WASHC4: variants seen among roughly 807,000 people sequenced by gnomAD.
WASHC4 encodes the protein WASH complex subunit 7.
Under a neutral mutation model 166.6 loss-of-function variants are expected in WASHC4, and 86 were observed. That is an observed-to-expected ratio of 0.52 (90% CI 0.43 to 0.62). The LOEUF is 0.62. Ranked by LOEUF, WASHC4 falls within the 20% of genes least tolerant of loss-of-function variation. The pLI is 0.00. For missense variants in WASHC4, 1,262 were observed against 1,382.4 expected (o/e 0.91, Z 1.38); for synonymous variants, 446 against 451.6 (o/e 0.99, Z 0.16).
intron 2 of WASHC4, among the ~76,000 whole-genome samples, chr12:105,113,458 G>T (rs552395301): frequency 3.3e-5 from 5 of 151,960 alleles, no homozygotes; most frequent in East Asian, 1.9e-4. Context: ...CTCCATCTCC[G>T]CAGTTGCTCT....
chr12:105,131,482 T>C (rs1040133282), intron 13 of WASHC4, among the ~76,000 whole-genome samples: 1 of 152,278 alleles, frequency 6.6e-6, no homozygotes, highest in African/African-American at 2.4e-5. Context: ...TGCATTATCC[T>C]ATAGCCTTAC....
intron 28 of WASHC4, among the ~76,000 whole-genome samples, chr12:105,157,585 A>G (rs1025717602): frequency 3.5e-4 from 54 of 152,234 alleles, no homozygotes; most frequent in African/African-American, 1.3e-3. Context: ...GTGCTCAAGT[A>G]TAAAGTACAT....
chr12:105,146,297 G>T (rs1390681821), intron 22 of WASHC4, among the ~76,000 whole-genome samples, 155 bp from the exon 23 acceptor site: 1 of 152,030 alleles, frequency 6.6e-6, no homozygotes, highest in Non-Finnish European at 1.5e-5. Flanking sequence ...GTCTTGATTT[G>T]TCTTTTAACG....
intron 14 of WASHC4, among the ~76,000 whole-genome samples, chr12:105,135,399 G>GT (rs1321444698): frequency 2.9e-4 from 42 of 144,802 alleles, no homozygotes; most frequent in South Asian, 4.4e-4. Flanking sequence ...GGTTGGTGGG[G>GT]TTTTTTTTTT....
At chr12:105,163,193 C>G (rs1380757422) in intron 30 of WASHC4, among the ~76,000 whole-genome samples, 1 of 152,070 alleles carries the variant, frequency 6.6e-6, no homozygotes, top group African/African-American at 2.4e-5. Flanking sequence ...CTCCTGACCT[C>G]GTGATCTGCC....
intron 1 of WASHC4, among the ~76,000 whole-genome samples, chr12:105,108,751 C>G (rs190538499): frequency 7.3e-5 from 11 of 151,606 alleles, no homozygotes; most frequent in Admixed American, 7.2e-4. Context: ...TTTTTTTTCC[C>G]TCATAGTTTT....
At chr12:105,146,328 A>G (rs1046017137) in intron 22 of WASHC4, 124 bp from the exon 23 acceptor site, 12 of 674,818 alleles carry the variant, frequency 1.8e-5, no homozygotes, top group Non-Finnish European at 2.9e-5. Flanking sequence ...CCTTTTATAT[A>G]GTTCTTTAAA....
At position 105,146,512 on chromosome 12, in the gene WASHC4, A is replaced by C; in HGVS notation, c.2395A>C (p.Asn799His). The change falls in exon 23 of 33, where the codon AAT becomes CAT. Residue 799 changes from asparagine to histidine, a missense_variant. Physicochemically the swap from Asn to His is moderately conservative, Grantham distance 68. Coordinates refer to ENST00000332180, the MANE Select transcript of WASHC4 (RefSeq NM_015275.3). ...IHIFVSRYLY[N>H]LNNQIFIERT... ...TATATTTGTGTCCCGATACCTCTAT[A>C]ATCTCAACAATCAGGTGAGTAGGGT... is the stretch of plus-strand genomic sequence containing the variant. 1 of 1,598,118 alleles carries C rather than the reference A, an allele frequency of 6.3e-7. No homozygotes were observed.
rs1882076150 is a variant in WASHC4, at chr12:105,133,838, A to G, written c.1268A>G (p.Glu423Gly). Residue 423 changes from glutamate to glycine, a missense_variant, in exon 14 of 33, where the codon GAG becomes GGG. Physicochemically the swap from Glu to Gly is moderately conservative, Grantham distance 98 (BLOSUM62 -2). Transcript: ENST00000332180. The part of the protein sequence containing the change: ...MMKMESILSK[E>G]QRMDKFAEDL... ...AAAATGGAATCTATTTTGTCTAAAG[A>G]GCAGAGAATGGATAAATTTGCTGAA... 1 of 1,611,782 alleles carries G rather than the reference A, an allele frequency of 6.2e-7. No individual in the cohort carries two copies. The highest frequency in any genetic ancestry group is 1.1e-5 in the South Asian group (1 of 91,054).
At chr12:105,120,720 G>T in intron 8 of WASHC4, 123 bp downstream of exon 8, 1 of 703,690 alleles carries the variant, frequency 1.4e-6, no homozygotes, top group Non-Finnish European at 2.6e-6. Flanking sequence ...GTGTGTGTGT[G>T]TGTTTGTGTG....
rs76249080 is a variant in WASHC4 at position 105,159,503 on chromosome 12, C to T, written c.2913-498C>T. ...TTAGATATAGTTGGATTATGTGAGT[C>T]ACAAAGGAAGATTTCTTTCTTACAG... On this transcript the variant is annotated intron_variant, in intron 28 of 32. Transcript: ENST00000332180. 2.9e-3 allele frequency among the ~76,000 whole-genome samples: 437 copies of T among 152,192 alleles called. 18 individuals are homozygous for T. In the East Asian group the frequency reaches 0.072, roughly 25 times the overall value.
chr12:105,109,388 T>C (rs1194106087), intron 1 of WASHC4, among the ~76,000 whole-genome samples: 1 of 152,166 alleles, frequency 6.6e-6, no homozygotes, highest in African/African-American at 2.4e-5. Flanking sequence ...GTGCTAGATA[T>C]TAGGGATAAA....
In WASHC4 at chr12:105,109,133, C is replaced by T. The variant is rs145230580; in HGVS notation, c.61+1272C>T. ...CCTGGGTGATAATAAGGTATTAGCT[C>T]TTATGCAGCATAAAAATTAACCTTG... On this transcript the variant is annotated intron_variant, in intron 1 of 32. Coordinates refer to ENST00000332180, the MANE Select transcript of WASHC4 (RefSeq NM_015275.3). 7.9e-5 allele frequency among the ~76,000 whole-genome samples: 12 copies of T among 152,238 alleles called. No homozygotes were observed. The East Asian group carries it at 2.3e-3, about 29-fold the overall frequency.
chr12:105,159,446 T>C (rs1463784077), intron 28 of WASHC4, among the ~76,000 whole-genome samples: 2 of 152,224 alleles, frequency 1.3e-5, no homozygotes, highest in East Asian at 1.9e-4. Context: ...AGATGTCTGC[T>C]GTTAGGAAGA....
At chr12:105,143,389 T>C (rs1883028791) in intron 20 of WASHC4, 146 bp downstream of exon 20, 4 of 604,766 alleles carry the variant, frequency 6.6e-6, no homozygotes, top group Admixed American at 5.2e-5. Context: ...AGTTACAATA[T>C]CACTGTTGTG....
Position 105,127,266 on chromosome 12 carries a change from A to T in WASHC4, c.1176A>T (p.Gln392His), listed in dbSNP as rs374270924. ...AAATACACAGGGATACTTTTCTACA[A>T]CAGAAAGCTCAATCACTTACCAAGT... ...AIKIHRDTFL[Q>H]QKAQSLTKDV... is the part of the protein sequence containing the mutation. The change falls in exon 13 of 33, where the codon CAA (glutamine) becomes CAT (histidine). Residue 392 changes from glutamine to histidine, a missense_variant. Gln to His is a conservative substitution (Grantham distance 24, BLOSUM62 0). Transcript: ENST00000332180. The T allele has an allele frequency of 6.2e-7, 1 of 1,611,332 alleles. No homozygotes were observed. The highest frequency in any genetic ancestry group is 8.5e-7 in the Non-Finnish European group (1 of 1,177,578).
In WASHC4 at chr12:105,158,158, G is replaced by C. The variant is rs1032911474; in HGVS notation, c.2912+836G>C. Among the ~76,000 whole-genome samples the C allele has an allele frequency of 2.0e-5, 3 of 152,130 alleles. No homozygotes were observed. In the South Asian group the frequency reaches 6.2e-4, roughly 31 times the overall value. On this transcript the variant is annotated intron_variant, in intron 28 of 32. Coordinates refer to ENST00000332180, the MANE Select transcript of WASHC4 (RefSeq NM_015275.3). The stretch of plus-strand genomic sequence containing the variant: ...GAAAGTCATTTCTTTATGGAAGAAT[G>C]CTTGTTAAATTTAGGGGGGAAATTG...
intron 24 of WASHC4, chr12:105,147,956 A>G (rs1883448815): frequency 1.0e-6 from 1 of 984,952 alleles, no homozygotes; most frequent in Non-Finnish European, 1.2e-6. Flanking sequence ...TGAAGGAATT[A>G]TTTGAACTCG....
At chr12:105,118,126 G>T (rs897472037) in intron 6 of WASHC4, among the ~76,000 whole-genome samples, 1 of 152,178 alleles carries the variant, frequency 6.6e-6, no homozygotes, top group African/African-American at 2.4e-5. Flanking sequence ...TAGTCACTAT[G>T]CTAGGCAGTG....
Sources: allele counts gnomAD v4.1 joint callset (sites outside exome capture counted in the v4.1 genomes callset), GRCh38; gene constraint gnomAD v4.1.1; transcripts MANE v1.5; gene names NCBI Gene and HGNC (gene_info 2026-07-23, HGNC 2026-07-21).